The following RANBP2 variants were observed in gnomAD, a reference collection of about 807,000 sequenced individuals.
RANBP2 encodes the protein E3 SUMO-protein ligase RanBP2.
In RANBP2, 57 loss-of-function variants were observed where a neutral mutation model predicts 303.6. That is an observed-to-expected ratio of 0.19 (90% CI 0.15 to 0.23). RANBP2 has a LOEUF of 0.23. RANBP2 is among the 10% of genes least tolerant of loss of function. The probability of loss-of-function intolerance (pLI) is 1.00; values close to 1 mark genes in which losing one functional copy is unlikely to be tolerated. For missense variants in RANBP2, 3,138 were observed against 3,780.8 expected (o/e 0.83, Z 4.46); for synonymous variants, 1,167 against 1,301.5 (o/e 0.90, Z 2.23).
At chr2:109,562,494 C>G in the RANBP2 span, among the ~76,000 whole-genome samples, 1 of 151,962 alleles carries the variant, frequency 6.6e-6, no homozygotes, top group Non-Finnish European at 1.5e-5. Flanking sequence ...TAGCATTTGG[C>G]TGAGCAGATA....
At chr2:109,026,065 T>C in the RANBP2 span, among the ~76,000 whole-genome samples, 2 of 152,098 alleles carry the variant, frequency 1.3e-5, no homozygotes, top group African/African-American at 4.8e-5. Context: ...GCAAGAGGAA[T>C]TGGCTCAGCA....
At chr2:109,078,116 ATAGCGTG>A in the RANBP2 span, among the ~76,000 whole-genome samples, 9 of 76,264 alleles carry the variant, frequency 1.2e-4, no homozygotes, top group East Asian at 6.3e-3. Context: ...ATATATATAT[ATAGCGTG>A]TATATATATA....
the RANBP2 span, chr2:108,896,860 G>A: frequency 2.9e-5 from 46 of 1,574,006 alleles, 1 homozygote; most frequent in African/African-American, 1.9e-4. Context: ...CAGAGCCCTC[G>A]TTGGCTCCTT....
At chr2:108,895,766 G>C in the RANBP2 span, 1 of 152,220 alleles carries the variant, frequency 6.6e-6, no homozygotes, top group African/African-American at 2.4e-5. Flanking sequence ...CTAGAAGCCA[G>C]CTCCCTCGAC....
the RANBP2 span, among the ~76,000 whole-genome samples, chr2:109,630,538 C>G: frequency 6.6e-6 from 1 of 152,234 alleles, no homozygotes; most frequent in Admixed American, 6.5e-5. Context: ...CCTTCCCTGA[C>G]TCCTGTCTTC....
chr2:108,854,050 T>C, the RANBP2 span, among the ~76,000 whole-genome samples: 1 of 117,040 alleles, frequency 8.5e-6, no homozygotes, highest in Non-Finnish European at 1.6e-5. Flanking sequence ...ATATAATAAA[T>C]TTATATTATA....
At chr2:109,485,706 G>T in the RANBP2 span, among the ~76,000 whole-genome samples, 5 of 152,238 alleles carry the variant, frequency 3.3e-5, no homozygotes, top group Non-Finnish European at 5.9e-5. Context: ...CAGGCTTCAG[G>T]CTGTGTGTGT....
At chr2:108,819,983 T>G in the RANBP2 span, among the ~76,000 whole-genome samples, 1 of 152,168 alleles carries the variant, frequency 6.6e-6, no homozygotes, top group Non-Finnish European at 1.5e-5. Flanking sequence ...CAGTATAAAC[T>G]AGAAGATACA....
At chr2:109,596,611 T>A in the RANBP2 span, among the ~76,000 whole-genome samples, 1 of 149,528 alleles carries the variant, frequency 6.7e-6, no homozygotes, top group African/African-American at 2.5e-5. Context: ...CGAGACTCCA[T>A]CTCAAAAAAA....
chr2:109,446,993 A>T, the RANBP2 span, among the ~76,000 whole-genome samples: 1 of 151,838 alleles, frequency 6.6e-6, no homozygotes, highest in African/African-American at 2.4e-5. Context: ...AATCTCGAGG[A>T]GCGGCCTCTG....
chr2:108,783,406 G>GA (rs1678396841), intron 28 of RANBP2, among the ~76,000 whole-genome samples, 190 bp from the exon 29 acceptor site: 1 of 148,222 alleles, frequency 6.7e-6, no homozygotes, highest in African/African-American at 2.5e-5. Flanking sequence ...TAAGGGATGG[G>GA]AAAAACCTTT....
At chr2:109,222,992 G>A in the RANBP2 span, among the ~76,000 whole-genome samples, 1 of 152,220 alleles carries the variant, frequency 6.6e-6, no homozygotes. Context: ...TGTACTCACT[G>A]CACCCTTCAG....
chr2:108,849,017 A>T, the RANBP2 span, among the ~76,000 whole-genome samples: 1 of 152,166 alleles, frequency 6.6e-6, no homozygotes, highest in Non-Finnish European at 1.5e-5. Flanking sequence ...TGGTAAGGGG[A>T]TACATGGAAG....
At chr2:109,700,026 A>G in the RANBP2 span, among the ~76,000 whole-genome samples, 210 of 152,346 alleles carry the variant, frequency 1.4e-3, 1 homozygote, top group African/African-American at 4.9e-3. Flanking sequence ...TGGCAGGAAG[A>G]TAGTTCCTGT....
chr2:109,496,534 G>C, the RANBP2 span, among the ~76,000 whole-genome samples: 1 of 152,224 alleles, frequency 6.6e-6, no homozygotes, highest in East Asian at 1.9e-4. Flanking sequence ...TAGTAAGTCA[G>C]TGAGGGTGAG....
At chr2:109,629,302 GATAT>G in the RANBP2 span, among the ~76,000 whole-genome samples, 92 of 77,600 alleles carry the variant, frequency 1.2e-3, no homozygotes, top group Admixed American at 3.9e-3. Context: ...CTGGCCTAAA[GATAT>G]ATATATATAT....
intron 17 of RANBP2, among the ~76,000 whole-genome samples, chr2:108,756,208 T>G (rs1676305968): frequency 6.6e-6 from 1 of 152,220 alleles, no homozygotes; most frequent in Admixed American, 6.5e-5. Context: ...ATTCCCAGAT[T>G]AGCTGTGGAT....
At chr2:109,222,949 C>CT in the RANBP2 span, among the ~76,000 whole-genome samples, 1 of 152,236 alleles carries the variant, frequency 6.6e-6, no homozygotes, top group Non-Finnish European at 1.5e-5. Context: ...CTGCCTGGGG[C>CT]TACGGTCCCC....
Position 108,754,119 on chromosome 2 carries a change from T to C in RANBP2, c.2202+148T>C, listed in dbSNP as rs181372781. The C allele has an allele frequency of 5.7e-6, 9 of 1,582,998 alleles. No individual in the cohort carries two copies. In the African/African-American group the frequency reaches 6.8e-5, roughly 12 times the overall value. On this transcript the variant is annotated intron_variant, in intron 15 of 28. Transcript: ENST00000283195. Reference sequence around the variant, plus strand: ...AGGGATATGTGTGTCTAAATGCTTATATTTGCTTGCTTTGTCTTAGGTTTG... The same window carrying C: ...AGGGATATGTGTGTCTAAATGCTTACATTTGCTTGCTTTGTCTTAGGTTTG...
Sources: allele counts gnomAD v4.1 joint callset (sites outside exome capture counted in the v4.1 genomes callset), GRCh38; gene constraint gnomAD v4.1.1; transcripts MANE v1.5; gene names NCBI Gene and HGNC (gene_info 2026-07-23, HGNC 2026-07-21).